COL26A1: variants seen among roughly 807,000 people sequenced by gnomAD.
The protein encoded by COL26A1 is collagen type XXVI alpha 1 chain, also known as collagen alpha-1(XXVI) chain.
Under a neutral mutation model 59.3 loss-of-function variants are expected in COL26A1, and 41 were observed. The ratio of observed to expected loss-of-function variants is 0.69; its 90% CI spans 0.54 to 0.90. COL26A1 has a LOEUF of 0.90. Among genes scored for constraint, COL26A1 ranks in the 40% least tolerant of loss-of-function variants. COL26A1 has a pLI of 0.00. For synonymous variants in COL26A1, 266 were observed against 256.0 expected (o/e 1.04, Z -0.37); for missense variants, 612 against 602.3 (o/e 1.02, Z -0.17).
Position 101,415,459 on chromosome 7 carries a change from A to G in COL26A1, c.159-4518A>G, listed in dbSNP as rs1436083863. On this transcript the variant is annotated intron_variant, in intron 1 of 12. Coordinates refer to ENST00000313669, the MANE Select transcript of COL26A1 (RefSeq NM_001278563.3). ...GTGAGCCACTGTGCCCAGCCTCATCATAACCTTAAAAGTTAGATTTTAAAT... is the reference window on the plus strand; with the variant it reads ...GTGAGCCACTGTGCCCAGCCTCATCGTAACCTTAAAAGTTAGATTTTAAAT... Among the ~76,000 whole-genome samples the G allele has an allele frequency of 2.6e-5, 4 of 151,830 alleles. No individual in the cohort carries two copies. The East Asian group carries it at 7.8e-4, about 30-fold the overall frequency.
rs559532823 is a variant in COL26A1 at position 101,507,236 on chromosome 7, TCTC to T, written c.386-25843_386-25841del. On this transcript the variant is annotated intron_variant, in intron 3 of 12. Transcript: ENST00000313669. The stretch of plus-strand genomic sequence containing the variant: ...GGCTTTGCCTAGAACCACTTCTAAT[TCTC>T]CTTGCTCAGTGAAAAACACTACTCC... Among the ~76,000 whole-genome samples the T allele has an allele frequency of 1.9e-3, 292 of 152,148 alleles. 1 individual carries two copies. The highest frequency in any genetic ancestry group is 0.014 in the Middle Eastern group (4 of 294).
chr7:101,454,536 G>A (rs1244827356), intron 3 of COL26A1, among the ~76,000 whole-genome samples: 1 of 152,062 alleles, frequency 6.6e-6, no homozygotes, highest in Non-Finnish European at 1.5e-5. Flanking sequence ...TGGGATTACA[G>A]GGGTGAGCCA....
chr7:101,420,227 C>T (rs979956570), intron 2 of COL26A1, 128 bp downstream of exon 2: 61 of 1,102,000 alleles, frequency 5.5e-5, no homozygotes, highest in Non-Finnish European at 7.9e-5. Context: ...ATTTATGGAG[C>T]ACCTTCTGTA....
Position 101,362,999 on chromosome 7 carries a change from C to A in COL26A1, c.-34C>A. ...GTGCGCTCCTGCCGGTCCTCGTGCC[C>A]GGGACTCCGGGTCCCCGCGGGCTGC... On this transcript the variant is annotated 5_prime_UTR_variant, in exon 1 of 13. Transcript: ENST00000313669. 1.9e-6 allele frequency: 3 copies of A among 1,550,662 alleles called. No individual in the cohort carries two copies. The highest frequency in any genetic ancestry group is 2.6e-6 in the Non-Finnish European group (3 of 1,158,086).
intron 4 of COL26A1, among the ~76,000 whole-genome samples, chr7:101,539,471 G>T (rs1014927377): frequency 2.0e-5 from 3 of 152,058 alleles, no homozygotes; most frequent in Non-Finnish European, 4.4e-5. Context: ...GACTGCAGGC[G>T]TGTGCCACCA....
chr7:101,391,814 C>G (rs576111368), intron 1 of COL26A1, among the ~76,000 whole-genome samples: 28 of 152,260 alleles, frequency 1.8e-4, no homozygotes, highest in African/African-American at 6.3e-4. Context: ...CTCGGTCTTC[C>G]AAAGTGCTGG....
At chr7:101,379,956 A>G (rs1324839883) in intron 1 of COL26A1, among the ~76,000 whole-genome samples, 2 of 152,192 alleles carry the variant, frequency 1.3e-5, no homozygotes, top group Non-Finnish European at 2.9e-5. Flanking sequence ...TGCTCTGTCT[A>G]TGGAGTAGCC....
At chr7:101,547,599 G>A (rs2130672177) in intron 8 of COL26A1, among the ~76,000 whole-genome samples, 1 of 152,360 alleles carries the variant, frequency 6.6e-6, no homozygotes, top group East Asian at 1.9e-4. Flanking sequence ...CAAAGGGGCT[G>A]GGACCTGGCT....
rs77188480 is a variant in COL26A1 at position 101,529,834 on chromosome 7, C to T, written c.386-3248C>T. On this transcript the variant is annotated intron_variant, in intron 3 of 12. Transcript: ENST00000313669. ...CTTTATCCAATCCACCATTGGTGGACGCTTAGGTTCCATCTTGCTTTTTCC... is the reference window on the plus strand; with the variant it reads ...CTTTATCCAATCCACCATTGGTGGATGCTTAGGTTCCATCTTGCTTTTTCC... Among the ~76,000 whole-genome samples, 1,241 of 152,256 alleles carry T rather than the reference C, an allele frequency of 8.2e-3. 8 individuals carry two copies. The highest frequency in any genetic ancestry group is 0.017 in the Middle Eastern group (5 of 294).
Position 101,362,943 on chromosome 7 carries a change from G to T in COL26A1, c.-90G>T. 2 of 1,359,196 alleles carry T rather than the reference G, an allele frequency of 1.5e-6. No homozygotes were observed. Among genetic ancestry groups the T allele is most frequent in the Non-Finnish European group, 2.0e-6 (2 of 1,025,426 alleles). 84.2% of individuals were successfully genotyped at this position (1,359,196 alleles called of 1,614,324 possible). ...GCCCCGCTCCTCTCGCTGTGCTCCC[G>T]GCCGGTGCCGCGGGTTCGGTCCGGG... On this transcript the variant is annotated 5_prime_UTR_variant, in exon 1 of 13. Transcript: ENST00000313669.
intron 2 of COL26A1, among the ~76,000 whole-genome samples, chr7:101,445,933 A>T (rs911270506): frequency 3.3e-5 from 5 of 150,350 alleles, no homozygotes; most frequent in African/African-American, 7.4e-5. Flanking sequence ...CTGTAATCCC[A>T]GCTACTTGGG....
Position 101,487,816 on chromosome 7 carries a change from C to T in COL26A1, c.385+40029C>T, listed in dbSNP as rs546262748. 2.8e-4 allele frequency among the ~76,000 whole-genome samples: 43 copies of T among 152,236 alleles called. No homozygotes were observed. The South Asian group carries it at 8.3e-3, about 29-fold the overall frequency. On this transcript the variant is annotated intron_variant, in intron 3 of 12. Coordinates refer to ENST00000313669, the MANE Select transcript of COL26A1 (RefSeq NM_001278563.3). ...AGATCACCTTCAGGGGCAGGTTTGG[C>T]CCCCACCACAACACTGATTTTCCAG...
intron 1 of COL26A1, among the ~76,000 whole-genome samples, chr7:101,411,026 A>G (rs1792230301): frequency 6.6e-6 from 1 of 152,162 alleles, no homozygotes. Flanking sequence ...TAATTAGAAC[A>G]GTGAGGGCAG....
intron 3 of COL26A1, among the ~76,000 whole-genome samples, chr7:101,471,481 G>A (rs1793898525): frequency 6.6e-6 from 1 of 151,426 alleles, no homozygotes; most frequent in South Asian, 2.1e-4. Context: ...TCCTCAGAAA[G>A]CAGAAGGAAT....
chr7:101,556,478 CAT>C (rs939083182), intron 12 of COL26A1, among the ~76,000 whole-genome samples: 3 of 150,282 alleles, frequency 2.0e-5, no homozygotes, highest in Admixed American at 2.0e-4. Context: ...TGGGTGGATG[CAT>C]AGATAGATGA....
intron 1 of COL26A1, among the ~76,000 whole-genome samples, chr7:101,398,073 C>T (rs1791901805): frequency 6.6e-6 from 1 of 152,174 alleles, no homozygotes; most frequent in Non-Finnish European, 1.5e-5. Context: ...TTGGGTGTGA[C>T]TTCTTTTGCT....
chr7:101,503,143 C>T (rs1794739406), intron 3 of COL26A1, among the ~76,000 whole-genome samples: 1 of 152,166 alleles, frequency 6.6e-6, no homozygotes, highest in Non-Finnish European at 1.5e-5. Flanking sequence ...AGTGATGCAC[C>T]TTCCTCCCAG....
chr7:101,535,002 T>G (rs17135599), intron 4 of COL26A1, among the ~76,000 whole-genome samples: 6 of 152,118 alleles, frequency 3.9e-5, no homozygotes, highest in Non-Finnish European at 8.8e-5. Flanking sequence ...CTTACAGATA[T>G]GAACACAGGT....
intron 2 of COL26A1, among the ~76,000 whole-genome samples, chr7:101,437,448 G>A (rs1469744172): frequency 1.3e-5 from 2 of 150,466 alleles, no homozygotes; most frequent in Non-Finnish European, 2.9e-5. Context: ...ATTCTGAATC[G>A]GGCGGAGTTC....
Sources: gnomAD v4.1 joint callset for allele counts (sites outside exome capture counted in the v4.1 genomes callset) on GRCh38, gnomAD v4.1.1 for gene constraint, MANE v1.5 for transcripts, NCBI Gene and HGNC (gene_info 2026-07-23, HGNC 2026-07-21) for gene names.